Variants in MECOM observed in about 807,000 individuals in gnomAD.
MECOM encodes the protein MDS1 and EVI1 complex locus.
A neutral mutation model predicts 116.3 loss-of-function variants in MECOM; 13 were observed. That is an observed-to-expected ratio of 0.11 (90% CI 0.07 to 0.18). The LOEUF (loss-of-function observed/expected upper bound fraction) is 0.18, where lower values mean the gene tolerates loss of function less well. Ranked by LOEUF, MECOM falls within the 10% of genes least tolerant of loss-of-function variation. The pLI, the probability that MECOM is intolerant of heterozygous loss-of-function variation, is 1.00. For missense variants in MECOM, 1,299 were observed against 1,509.0 expected (o/e 0.86, Z 2.31); for synonymous variants, 528 against 535.2 (o/e 0.99, Z 0.19).
chr3:169,191,795 G>GAAAGA (rs1559974243), intron 2 of MECOM, among the ~76,000 whole-genome samples: 5 of 137,522 alleles, frequency 3.6e-5, no homozygotes, highest in Non-Finnish European at 1.6e-5. Flanking sequence ...AGAAAGAAAG[G>GAAAGA]GAGGGAAGGA....
intron 1 of MECOM, among the ~76,000 whole-genome samples, chr3:169,394,780 G>A (rs936459157): frequency 6.6e-6 from 1 of 152,096 alleles, no homozygotes; most frequent in Non-Finnish European, 1.5e-5. Context: ...GTCAAAACAA[G>A]TCACCTGGAA....
At chr3:169,296,470 A>T (rs1251194209) in intron 2 of MECOM, among the ~76,000 whole-genome samples, 2 of 152,190 alleles carry the variant, frequency 1.3e-5, no homozygotes, top group Non-Finnish European at 2.9e-5. Flanking sequence ...TGTATTGTGG[A>T]TTTGCCAGCA....
intron 1 of MECOM, among the ~76,000 whole-genome samples, chr3:169,561,278 C>T (rs905446521): frequency 6.6e-6 from 1 of 151,902 alleles, no homozygotes; most frequent in Non-Finnish European, 1.5e-5. Context: ...ACATAAGAGT[C>T]ACAACAATGT....
intron 1 of MECOM, among the ~76,000 whole-genome samples, chr3:169,598,017 C>A (rs1187103750): frequency 6.6e-6 from 1 of 152,156 alleles, no homozygotes; most frequent in Non-Finnish European, 1.5e-5. Context: ...GTTGTCCAAG[C>A]TTTTGCCCCT....
At chr3:169,158,868 CTAAT>C in intron 2 of MECOM, among the ~76,000 whole-genome samples, 1 of 152,306 alleles carries the variant, frequency 6.6e-6, no homozygotes, top group East Asian at 1.9e-4. Context: ...CAGCACTTCT[CTAAT>C]TATTCTCGCC....
intron 1 of MECOM, among the ~76,000 whole-genome samples, chr3:169,608,646 G>A (rs1768877739): frequency 6.6e-6 from 1 of 152,168 alleles, no homozygotes; most frequent in South Asian, 2.1e-4. Context: ...CTGGTGTAAG[G>A]ATGAAGCAGT....
chr3:169,476,248 T>C (rs1157238932), intron 1 of MECOM, among the ~76,000 whole-genome samples: 2 of 152,254 alleles, frequency 1.3e-5, no homozygotes, highest in African/African-American at 4.8e-5. Context: ...CTTCATAATG[T>C]ATTACACAAT....
intron 11 of MECOM, among the ~76,000 whole-genome samples, chr3:169,101,385 A>T (rs1723495684): frequency 6.6e-6 from 1 of 152,192 alleles, no homozygotes; most frequent in Non-Finnish European, 1.5e-5. Context: ...ATAACTCCCT[A>T]TGCATAGAGT....
intron 1 of MECOM, among the ~76,000 whole-genome samples, chr3:169,450,395 A>AT (rs1310942403): frequency 1.3e-5 from 2 of 151,800 alleles, no homozygotes; most frequent in Non-Finnish European, 2.9e-5. Flanking sequence ...AGTTCTTGTT[A>AT]TTTTTTTTAA....
At chr3:169,180,029 C>G (rs973493285) in intron 2 of MECOM, among the ~76,000 whole-genome samples, 1 of 152,140 alleles carries the variant, frequency 6.6e-6, no homozygotes, top group Non-Finnish European at 1.5e-5. Flanking sequence ...AGAAAAAAGA[C>G]AATTTTCAGC....
intron 2 of MECOM, among the ~76,000 whole-genome samples, chr3:169,165,419 G>C (rs1418883882): frequency 6.6e-6 from 1 of 152,102 alleles, no homozygotes; most frequent in African/African-American, 2.4e-5. Context: ...ATTAGTCTAT[G>C]TTTTTCATCA....
At chr3:169,461,880 A>G (rs139743640) in intron 1 of MECOM, among the ~76,000 whole-genome samples, 4 of 152,258 alleles carry the variant, frequency 2.6e-5, no homozygotes, top group African/African-American at 9.6e-5. Flanking sequence ...CCCTGGTGAG[A>G]TGGTTTCATG....
At chr3:169,593,830 A>G (rs2109662615) in intron 1 of MECOM, among the ~76,000 whole-genome samples, 1 of 152,290 alleles carries the variant, frequency 6.6e-6, no homozygotes, top group South Asian at 2.1e-4. Flanking sequence ...TCAAAAAACC[A>G]CTTTTCTACC....
At chr3:169,550,820 CTTTTTTTTTT>C (rs35343157) in intron 1 of MECOM, among the ~76,000 whole-genome samples, 1 of 91,664 alleles carries the variant, frequency 1.1e-5, no homozygotes, top group Admixed American at 1.3e-4. Context: ...GTTCCCTTTC[CTTTTTTTTTT>C]TTTTTTTTTT....
At chr3:169,578,343 G>C (rs1008160804) in intron 1 of MECOM, among the ~76,000 whole-genome samples, 1 of 152,122 alleles carries the variant, frequency 6.6e-6, no homozygotes, top group Admixed American at 6.6e-5. Flanking sequence ...TTACTATGGA[G>C]CATAAATTTT....
chr3:169,644,164 T>G (rs1428914453), intron 1 of MECOM, among the ~76,000 whole-genome samples: 1 of 152,202 alleles, frequency 6.6e-6, no homozygotes, highest in African/African-American at 2.4e-5. Context: ...TAGTTATGAT[T>G]CTGAAGCCCC....
intron 2 of MECOM, among the ~76,000 whole-genome samples, chr3:169,256,895 C>T (rs1325887124): frequency 6.6e-6 from 1 of 152,152 alleles, no homozygotes; most frequent in East Asian, 1.9e-4. Context: ...GGCATAGAGC[C>T]ATCTCCTAAC....
chr3:169,627,024 GT>G (rs998720854), intron 1 of MECOM, among the ~76,000 whole-genome samples: 1 of 152,122 alleles, frequency 6.6e-6, no homozygotes, highest in African/African-American at 2.4e-5. Flanking sequence ...GCTGATGTTG[GT>G]CTGTATTTGT....
rs1748589977 is a variant in MECOM, at chr3:169,197,506, ATG to A, written c.376-53676_376-53675del. On this transcript the variant is annotated intron_variant, in intron 2 of 16. Transcript: ENST00000651503. ...GCAGCTTCTGATCTTAGCCATATTT[ATG>A]TGTTATGTGTTTACAAGGCAATTCA... Among the ~76,000 whole-genome samples, 8 of 152,012 alleles carry A rather than the reference ATG, an allele frequency of 5.3e-5. No homozygotes were observed. The South Asian group carries it at 1.5e-3, about 28-fold the overall frequency.
Sources: allele counts gnomAD v4.1 joint callset (sites outside exome capture counted in the v4.1 genomes callset), GRCh38; gene constraint gnomAD v4.1.1; transcripts MANE v1.5; gene names NCBI Gene and HGNC (gene_info 2026-07-23, HGNC 2026-07-21).